Variants in MAPRE1 observed in about 807,000 individuals in gnomAD.
The protein encoded by MAPRE1 is microtubule associated protein RP/EB family member 1, also known as microtubule-associated protein RP/EB family member 1.
A neutral mutation model predicts 32.1 loss-of-function variants in MAPRE1; 5 were observed. The ratio of observed to expected loss-of-function variants is 0.16; its 90% CI spans 0.08 to 0.33. MAPRE1 has a LOEUF of 0.33. Among genes scored for constraint, MAPRE1 ranks in the 10% least tolerant of loss-of-function variants. The pLI is 1.00. For synonymous variants in MAPRE1, 122 were observed against 118.9 expected, an observed-to-expected ratio of 1.03 and a Z score of -0.17; for missense variants, 209 against 327.2, an observed-to-expected ratio of 0.64 and a Z score of 2.79.
chr20:32,821,904 A>C (rs1982714118), intron 1 of MAPRE1, among the ~76,000 whole-genome samples: 1 of 151,974 alleles, frequency 6.6e-6, no homozygotes, highest in Admixed American at 6.6e-5. Context: ...TGTAAGGGTG[A>C]GATTTGTGTG....
At position 32,839,220 on chromosome 20, in the gene MAPRE1, C is replaced by T. The variant is rs550093711; in HGVS notation, c.476-515C>T. 6.6e-5 allele frequency among the ~76,000 whole-genome samples: 10 copies of T among 152,310 alleles called. No homozygotes were observed. In the South Asian group the frequency reaches 1.7e-3, roughly 25 times the overall value. On this transcript the variant is annotated intron_variant, in intron 4 of 6. Transcript: ENST00000375571. The stretch of plus-strand genomic sequence containing the variant: ...GTCTGAGGTGAGGAGTTAGGAGGGA[C>T]CTAACTTTCCAGATGGGGAGCAGTG...
At chr20:32,844,177 C>T (rs1259170360) in intron 5 of MAPRE1, among the ~76,000 whole-genome samples, 1 of 152,032 alleles carries the variant, frequency 6.6e-6, no homozygotes, top group Non-Finnish European at 1.5e-5. Flanking sequence ...TTAATAACCT[C>T]ATGAATACAG....
chr20:32,844,599 A>C lies in MAPRE1; in HGVS notation c.598-2019A>C, dbSNP rs539156280. 2.6e-5 allele frequency among the ~76,000 whole-genome samples: 4 copies of C among 151,980 alleles called. No individual in the cohort carries two copies. The South Asian group carries it at 8.3e-4, about 32-fold the overall frequency. On this transcript the variant is annotated intron_variant, in intron 5 of 6. Coordinates refer to ENST00000375571, the MANE Select transcript of MAPRE1 (RefSeq NM_012325.3). The stretch of plus-strand genomic sequence containing the variant: ...CCAGCTAATTTTTATATTTTTATAG[A>C]GACGGGGATTCACCATGTTGGCCAG...
intron 2 of MAPRE1, among the ~76,000 whole-genome samples, chr20:32,827,097 A>T (rs1211613557): frequency 6.6e-6 from 1 of 152,158 alleles, no homozygotes; most frequent in Non-Finnish European, 1.5e-5. Flanking sequence ...GTTTAACAAT[A>T]ATTTGGCAAA....
intron 4 of MAPRE1, among the ~76,000 whole-genome samples, chr20:32,839,457 T>C (rs1198870985): frequency 1.3e-5 from 2 of 152,354 alleles, no homozygotes; most frequent in Non-Finnish European, 2.9e-5. Context: ...ATGGTAGTCC[T>C]GTTCACCGCA....
intron 1 of MAPRE1, among the ~76,000 whole-genome samples, chr20:32,823,403 C>T (rs192401390): frequency 6.6e-6 from 1 of 151,168 alleles, no homozygotes; most frequent in African/African-American, 2.5e-5. Context: ...ATGTTGCTGT[C>T]TTATGAAATG....
intron 1 of MAPRE1, among the ~76,000 whole-genome samples, chr20:32,821,692 G>A (rs1025084431): frequency 6.6e-6 from 1 of 152,200 alleles, no homozygotes; most frequent in African/African-American, 2.4e-5. Flanking sequence ...GGTCACATAG[G>A]TCCTTTCTGG....
chr20:32,824,326 T>C (rs1222765349), intron 1 of MAPRE1, among the ~76,000 whole-genome samples: 2 of 152,246 alleles, frequency 1.3e-5, no homozygotes, highest in Non-Finnish European at 2.9e-5. Flanking sequence ...CATTTGAAAA[T>C]TAGACTCATT....
intron 5 of MAPRE1, among the ~76,000 whole-genome samples, chr20:32,840,627 A>G (rs1475871788): frequency 6.7e-6 from 1 of 150,030 alleles, no homozygotes; most frequent in Non-Finnish European, 1.5e-5. Context: ...GCCTGGCTCC[A>G]TTGAAAAAAT....
rs779258896 is a variant in MAPRE1 at position 32,839,863 on chromosome 20, A to G, written c.597+7A>G. On this transcript the variant is annotated splice_region_variant and intron_variant, in intron 5 of 6. Transcript: ENST00000375571. ...AGCTGAGTTGATGCAGCAGGTGGGCACCCCTGTGTTTAGCACGTGAGTCAC... is the reference window on the plus strand; with the variant it reads ...AGCTGAGTTGATGCAGCAGGTGGGCGCCCCTGTGTTTAGCACGTGAGTCAC... 2.5e-6 allele frequency: 4 copies of G among 1,613,784 alleles called. No homozygotes were observed. The highest frequency in any genetic ancestry group is 4.5e-5 in the East Asian group (2 of 44,872).
rs1209215719 is a variant in MAPRE1 at position 32,819,968 on chromosome 20, A to C, written c.-64A>C. On this transcript the variant is annotated 5_prime_UTR_variant, in exon 1 of 7. Transcript: ENST00000375571. ...GGGCGGGCGGGGTCTGGCGGTTTGA[A>C]CGAGACGAAGACGGAACCGGAGCCG... The C allele has an allele frequency of 6.6e-6, 1 of 151,016 alleles. No individual in the cohort carries two copies. The highest frequency in any genetic ancestry group is 2.4e-5 in the African/African-American group (1 of 41,066). 9.4% of individuals were successfully genotyped at this position (151,016 alleles called of 1,614,324 possible). A position where few individuals can be genotyped will look rare whatever the true frequency, so the allele number is the denominator to read the frequency against.
chr20:32,831,626 G>A (rs529783823), intron 2 of MAPRE1, among the ~76,000 whole-genome samples: 73 of 151,322 alleles, frequency 4.8e-4, no homozygotes, highest in Non-Finnish European at 8.0e-4. Flanking sequence ...ATCGCCTCTC[G>A]GGTTAAAGCG....
intron 3 of MAPRE1, 50 bp downstream of exon 3, chr20:32,833,912 A>G (rs1193483803): frequency 6.7e-7 from 1 of 1,503,362 alleles, no homozygotes; most frequent in Admixed American, 1.9e-5. Flanking sequence ...AATGATCGTT[A>G]CTAAGGAGGT....
Position 32,826,481 on chromosome 20 carries a change from A to G in MAPRE1, c.121+433A>G, listed in dbSNP as rs934263367. 1.4e-4 allele frequency among the ~76,000 whole-genome samples: 20 copies of G among 140,320 alleles called. No individual in the cohort carries two copies. In the South Asian group the frequency reaches 2.3e-3, roughly 16 times the overall value. The allele number at this position is 140,320 out of a possible 152,430, so 92.1% of individuals were successfully genotyped here. A position where few individuals can be genotyped will look rare whatever the true frequency, so the allele number is the denominator to read the frequency against. On this transcript the variant is annotated intron_variant, in intron 2 of 6. Transcript: ENST00000375571. ...ATGATCTGCCTGCCTCGGTCTCCCA[A>G]CGTGCTGAGATTACAGGTGTGAGCC...
At chr20:32,844,855 T>G (rs1156828208) in intron 5 of MAPRE1, among the ~76,000 whole-genome samples, 1 of 152,208 alleles carries the variant, frequency 6.6e-6, no homozygotes, top group Non-Finnish European at 1.5e-5. Context: ...GCTGGTCGGC[T>G]CTTGGCCTGT....
intron 2 of MAPRE1, among the ~76,000 whole-genome samples, chr20:32,826,900 C>G (rs1474555775): frequency 9.2e-5 from 14 of 152,110 alleles, no homozygotes; most frequent in Admixed American, 9.2e-4. Flanking sequence ...AGGCCTGAAG[C>G]TCAGCCCCGA....
chr20:32,834,560 T>A (rs1045449021), intron 3 of MAPRE1, among the ~76,000 whole-genome samples: 1 of 152,108 alleles, frequency 6.6e-6, no homozygotes, highest in African/African-American at 2.4e-5. Context: ...TTTTTTTTTA[T>A]GGCAAAGGTA....
rs1460516161 is a variant in MAPRE1 at position 32,833,867 on chromosome 20, G to A, written c.267+5G>A. Reference sequence around the variant, plus strand: ...AAGAGAATGGGTGTTGACAAAGTAAGTAAACGTTATCTTTTATTGTGGTTA... The same window carrying A: ...AAGAGAATGGGTGTTGACAAAGTAAATAAACGTTATCTTTTATTGTGGTTA... On this transcript the variant is annotated splice_donor_5th_base_variant and intron_variant, in intron 3 of 6. Transcript: ENST00000375571. 2 of 1,611,638 alleles carry A rather than the reference G, an allele frequency of 1.2e-6. No individual in the cohort carries two copies. Among genetic ancestry groups the A allele is most frequent in the African/African-American group, 1.3e-5 (1 of 74,878 alleles).
At chr20:32,828,154 T>C (rs1194158469) in intron 2 of MAPRE1, among the ~76,000 whole-genome samples, 4 of 152,170 alleles carry the variant, frequency 2.6e-5, no homozygotes, top group Non-Finnish European at 4.4e-5. Context: ...TTGCTGATCA[T>C]AGACAACAGG....
Sources: gnomAD v4.1 joint callset for allele counts (sites outside exome capture counted in the v4.1 genomes callset) on GRCh38, gnomAD v4.1.1 for gene constraint, MANE v1.5 for transcripts, NCBI Gene and HGNC (gene_info 2026-07-23, HGNC 2026-07-21) for gene names.